Variants in TMEFF1 observed in about 807,000 individuals in gnomAD.
TMEFF1 encodes the protein tomoregulin-1.
A neutral mutation model predicts 47.5 loss-of-function variants in TMEFF1; 20 were observed. That is an observed-to-expected ratio of 0.42 (90% CI 0.30 to 0.61). The LOEUF is 0.61. Ranked by LOEUF, TMEFF1 falls within the 20% of genes least tolerant of loss-of-function variation. The probability of loss-of-function intolerance (pLI) is 0.19; values close to 1 mark genes in which losing one functional copy is unlikely to be tolerated. For missense variants in TMEFF1, 411 were observed against 471.1 expected (o/e 0.87, Z 1.18); for synonymous variants, 162 against 166.3 (o/e 0.97, Z 0.20).
intron 7 of TMEFF1, among the ~76,000 whole-genome samples, chr9:100,553,832 T>C (rs1244295827): frequency 6.6e-6 from 1 of 152,232 alleles, no homozygotes; most frequent in Non-Finnish European, 1.5e-5. Context: ...ATTATCATTA[T>C]TCTCATTTTA....
intron 5 of TMEFF1, among the ~76,000 whole-genome samples, chr9:100,530,971 G>C (rs1437323613): frequency 6.6e-6 from 1 of 151,526 alleles, no homozygotes; most frequent in African/African-American, 2.4e-5. Flanking sequence ...TATAAACAGA[G>C]CCAAAGACAA....
intron 5 of TMEFF1, among the ~76,000 whole-genome samples, chr9:100,521,643 C>T (rs1227028842): frequency 2.0e-5 from 3 of 152,234 alleles, no homozygotes; most frequent in Non-Finnish European, 4.4e-5. Flanking sequence ...AGTGGGGACA[C>T]ATAATCATAG....
At chr9:100,559,239 A>G (rs1838970211) in intron 7 of TMEFF1, among the ~76,000 whole-genome samples, 1 of 152,200 alleles carries the variant, frequency 6.6e-6, no homozygotes, top group South Asian at 2.1e-4. Flanking sequence ...TAGCAGCCCA[A>G]AAGAGAGCTT....
Position 100,473,791 on chromosome 9 carries a change from C to T in TMEFF1, c.196+51C>T. The T allele has an allele frequency of 7.0e-7, 1 of 1,431,170 alleles. No individual in the cohort carries two copies. The highest frequency in any genetic ancestry group is 9.2e-7 in the Non-Finnish European group (1 of 1,083,430). The allele number at this position is 1,431,170 out of a possible 1,614,324, so 88.7% of individuals were successfully genotyped here. On this transcript the variant is annotated intron_variant, in intron 1 of 9. Transcript: ENST00000374879. The surrounding 1 kb of genome is among the most constrained non-coding windows in gnomAD (Gnocchi z 5.4). ...GGTCTTCCCACCCCTCCGTTGCCGCCTCCCTCGTGGTCCCTGCGGTCGGCC... is the reference window on the plus strand; with the variant it reads ...GGTCTTCCCACCCCTCCGTTGCCGCTTCCCTCGTGGTCCCTGCGGTCGGCC...
At chr9:100,537,918 G>A (rs1453663462) in intron 5 of TMEFF1, among the ~76,000 whole-genome samples, 1 of 151,868 alleles carries the variant, frequency 6.6e-6, no homozygotes, top group African/African-American at 2.4e-5. Flanking sequence ...ATATTCTTAT[G>A]AACTAAAATT....
At chr9:100,533,084 A>G (rs1347296010) in intron 5 of TMEFF1, among the ~76,000 whole-genome samples, 15 of 106,430 alleles carry the variant, frequency 1.4e-4, no homozygotes, top group African/African-American at 3.4e-4. Context: ...TCTGGGGACT[A>G]TTGTGGGGTG....
intron 5 of TMEFF1, among the ~76,000 whole-genome samples, chr9:100,527,009 G>A (rs1838271066): frequency 6.7e-6 from 1 of 149,988 alleles, no homozygotes; most frequent in Non-Finnish European, 1.5e-5. Flanking sequence ...CGGGCGTGGT[G>A]GCACATAACT....
At chr9:100,479,392 G>T (rs1837297954) in intron 1 of TMEFF1, among the ~76,000 whole-genome samples, 1 of 152,154 alleles carries the variant, frequency 6.6e-6, no homozygotes, top group African/African-American at 2.4e-5. Context: ...GCACGAACAA[G>T]ATAGGATTTT....
chr9:100,559,090 T>C (rs1057255520), intron 7 of TMEFF1, among the ~76,000 whole-genome samples: 11 of 152,248 alleles, frequency 7.2e-5, no homozygotes, highest in African/African-American at 1.9e-4. Context: ...TTAGGAGTTA[T>C]ACAGAAACGA....
At position 100,541,404 on chromosome 9, in the gene TMEFF1, TAC is replaced by T. The variant is rs1299170331; in HGVS notation, c.561-6337_561-6336del. 1.8e-4 allele frequency among the ~76,000 whole-genome samples: 27 copies of T among 148,586 alleles called. 1 individual carries two copies. ...TTTTTTTTTTTTTGAGATGGAGTCT[TAC>T]ACTGTTGCCCAGGCTGGAGTGCAGT... On this transcript the variant is annotated intron_variant, in intron 5 of 9. Coordinates refer to ENST00000374879, the MANE Select transcript of TMEFF1 (RefSeq NM_003692.5).
chr9:100,555,695 G>A (rs953241472), intron 7 of TMEFF1, among the ~76,000 whole-genome samples: 17 of 152,104 alleles, frequency 1.1e-4, no homozygotes, highest in Admixed American at 3.9e-4. Context: ...TTGTTTCCTA[G>A]TTTCATGTTG....
intron 1 of TMEFF1, among the ~76,000 whole-genome samples, chr9:100,474,531 G>A (rs975949543): frequency 6.6e-6 from 1 of 152,072 alleles, no homozygotes; most frequent in Non-Finnish European, 1.5e-5. Flanking sequence ...GTGCCCTATA[G>A]CGAACCCCAT....
At chr9:100,545,474 C>G (rs1838716219) in intron 5 of TMEFF1, among the ~76,000 whole-genome samples, 1 of 152,206 alleles carries the variant, frequency 6.6e-6, no homozygotes, top group African/African-American at 2.4e-5. Flanking sequence ...CCCTAGGCTG[C>G]ACAGAGCACG....
At chr9:100,574,974 T>C (rs1839319525) in intron 9 of TMEFF1, among the ~76,000 whole-genome samples, 1 of 152,220 alleles carries the variant, frequency 6.6e-6, no homozygotes, top group Non-Finnish European at 1.5e-5. Context: ...TCTAACTATG[T>C]CACAGTGTCT....
intron 4 of TMEFF1, among the ~76,000 whole-genome samples, chr9:100,516,423 A>G (rs1195598199): frequency 1.3e-5 from 2 of 152,186 alleles, no homozygotes; most frequent in African/African-American, 2.4e-5. Flanking sequence ...TATCAAACCT[A>G]CTGTGTAGTT....
At chr9:100,532,271 C>T (rs1250318675) in intron 5 of TMEFF1, among the ~76,000 whole-genome samples, 1 of 152,114 alleles carries the variant, frequency 6.6e-6, no homozygotes, top group African/African-American at 2.4e-5. Context: ...AGCCTCTGCA[C>T]AGCAAAAGAA....
At chr9:100,477,326 C>T (rs547370629) in intron 1 of TMEFF1, among the ~76,000 whole-genome samples, 7 of 152,288 alleles carry the variant, frequency 4.6e-5, no homozygotes, top group African/African-American at 1.7e-4. Flanking sequence ...AACAGATTTT[C>T]GAGCTTCTGC....
intron 1 of TMEFF1, among the ~76,000 whole-genome samples, chr9:100,495,456 A>G (rs986506688): frequency 6.6e-6 from 1 of 152,130 alleles, no homozygotes; most frequent in Non-Finnish European, 1.5e-5. Flanking sequence ...TTGAACTCCT[A>G]CAGCAGTCAT....
intron 1 of TMEFF1, among the ~76,000 whole-genome samples, chr9:100,493,649 T>C (rs1043702601): frequency 3.9e-5 from 6 of 152,206 alleles, no homozygotes; most frequent in Admixed American, 6.5e-5. Context: ...GTAAAACATT[T>C]CTATTTGGAG....
Sources: allele counts gnomAD v4.1 joint callset (sites outside exome capture counted in the v4.1 genomes callset), GRCh38; gene constraint gnomAD v4.1.1; non-coding constraint Gnocchi (gnomAD v3.1); transcripts MANE v1.5; gene names NCBI Gene and HGNC (gene_info 2026-07-23, HGNC 2026-07-21).